The following C8orf34 variants were observed in gnomAD, a reference collection of about 807,000 sequenced individuals.
C8orf34 encodes the protein uncharacterized protein C8orf34.
A neutral mutation model predicts 68.3 loss-of-function variants in C8orf34; 65 were observed. The ratio of observed to expected loss-of-function variants is 0.95; its 90% CI spans 0.78 to 1.17. C8orf34 has a LOEUF of 1.17. C8orf34 is among the 50% of genes most tolerant of loss of function. C8orf34 has a pLI of 0.00. For synonymous variants in C8orf34, 244 were observed against 241.2 expected (o/e 1.01, Z -0.11); for missense variants, 664 against 655.4 (o/e 1.01, Z -0.14).
intron 9 of C8orf34, among the ~76,000 whole-genome samples, chr8:68,715,431 A>G (rs930859765): frequency 1.3e-4 from 20 of 152,268 alleles, no homozygotes; most frequent in African/African-American, 4.8e-4. Context: ...AGCAAGAAAA[A>G]AACTAACAAT....
chr8:68,473,436 G>A (rs909914680), intron 4 of C8orf34, among the ~76,000 whole-genome samples: 7 of 152,012 alleles, frequency 4.6e-5, no homozygotes, highest in African/African-American at 1.4e-4. Flanking sequence ...GCTCCCTACC[G>A]CACACGTGGT....
intron 7 of C8orf34, among the ~76,000 whole-genome samples, chr8:68,551,309 G>A (rs1257857377): frequency 6.6e-6 from 1 of 151,482 alleles, no homozygotes; most frequent in Non-Finnish European, 1.5e-5. Context: ...AGCTATCAAA[G>A]GTATTCTTCA....
At chr8:68,434,262 A>G (rs1037713641) in intron 1 of C8orf34, among the ~76,000 whole-genome samples, 7 of 152,122 alleles carry the variant, frequency 4.6e-5, no homozygotes, top group African/African-American at 1.4e-4. Context: ...CCCGCATAGC[A>G]TACATTAGGT....
At chr8:68,817,126 TG>T (rs1158567336) in intron 13 of C8orf34, among the ~76,000 whole-genome samples, 3 of 152,158 alleles carry the variant, frequency 2.0e-5, no homozygotes, top group Non-Finnish European at 4.4e-5. Flanking sequence ...TTATCATGGG[TG>T]ATACAGCACC....
chr8:68,504,996 G>T (rs1161562152), intron 5 of C8orf34, among the ~76,000 whole-genome samples: 1 of 152,020 alleles, frequency 6.6e-6, no homozygotes, highest in Non-Finnish European at 1.5e-5. Context: ...TGTATTTTTA[G>T]TAGAGACGGG....
intron 8 of C8orf34, among the ~76,000 whole-genome samples, chr8:68,706,612 T>A (rs1379681556): frequency 2.0e-5 from 3 of 152,236 alleles, no homozygotes; most frequent in African/African-American, 4.8e-5. Flanking sequence ...TACAGATATC[T>A]GCCATGAAAC....
intron 10 of C8orf34, among the ~76,000 whole-genome samples, chr8:68,728,598 A>G (rs888045699): frequency 6.6e-6 from 1 of 152,224 alleles, no homozygotes; most frequent in Non-Finnish European, 1.5e-5. Flanking sequence ...GGCAGTGGCA[A>G]GAGAAAATAA....
chr8:68,511,727 A>C (rs1224845890), intron 5 of C8orf34, among the ~76,000 whole-genome samples: 1 of 152,238 alleles, frequency 6.6e-6, no homozygotes, highest in African/African-American at 2.4e-5. Flanking sequence ...AGTTAAGAAT[A>C]CTCATGGATA....
chr8:68,713,337 A>G (rs1324928030), intron 9 of C8orf34, among the ~76,000 whole-genome samples: 1 of 149,974 alleles, frequency 6.7e-6, no homozygotes, highest in African/African-American at 2.5e-5. Context: ...GGAGAACTAA[A>G]ACAAACTGAA....
Position 68,818,272 on chromosome 8 carries a change from T to C in C8orf34, c.*26T>C, listed in dbSNP as rs751145067. On this transcript the variant is annotated 3_prime_UTR_variant, in exon 14 of 14. Transcript: ENST00000518698. ...AACAGAGAGAAGAAGTTGCAAGTGGTCCTTAAAGAAATGCAGTTATTCAAA... is the reference window on the plus strand; with the variant it reads ...AACAGAGAGAAGAAGTTGCAAGTGGCCCTTAAAGAAATGCAGTTATTCAAA... 3 of 1,610,940 alleles carry C rather than the reference T, an allele frequency of 1.9e-6. No individual in the cohort carries two copies. Among genetic ancestry groups the C allele is most frequent in the East Asian group, 4.5e-5 (2 of 44,782 alleles).
intron 7 of C8orf34, among the ~76,000 whole-genome samples, chr8:68,575,837 T>A (rs186250732): frequency 1.3e-4 from 20 of 152,130 alleles, no homozygotes; most frequent in Non-Finnish European, 1.3e-4. Context: ...TGGCTCCTAG[T>A]GACAAAGTAA....
At chr8:68,728,551 C>G (rs897960354) in intron 10 of C8orf34, among the ~76,000 whole-genome samples, 3 of 152,242 alleles carry the variant, frequency 2.0e-5, no homozygotes, top group Non-Finnish European at 4.4e-5. Context: ...AGGCTGGGAA[C>G]AGAATGATAG....
At chr8:68,401,933 G>C (rs778536315) in intron 1 of C8orf34, among the ~76,000 whole-genome samples, 3 of 151,876 alleles carry the variant, frequency 2.0e-5, no homozygotes, top group Non-Finnish European at 2.9e-5. Context: ...ATCATAGAAT[G>C]AGTTAGAGAG....
chr8:68,597,494 C>T (rs531525383), intron 7 of C8orf34, among the ~76,000 whole-genome samples: 1 of 152,020 alleles, frequency 6.6e-6, no homozygotes, highest in South Asian at 2.1e-4. Context: ...ATCTATTTTT[C>T]TAAAAACAAA....
At chr8:68,743,906 T>C (rs997002135) in intron 10 of C8orf34, among the ~76,000 whole-genome samples, 1 of 152,190 alleles carries the variant, frequency 6.6e-6, no homozygotes, top group Non-Finnish European at 1.5e-5. Flanking sequence ...CCTGCCTGCC[T>C]CTGTAGGCTC....
chr8:68,545,659 A>T (rs1815851062), intron 7 of C8orf34, among the ~76,000 whole-genome samples: 1 of 152,160 alleles, frequency 6.6e-6, no homozygotes. Flanking sequence ...AATGATGGCA[A>T]AATAAAGATA....
chr8:68,739,317 A>T (rs1008294980), intron 10 of C8orf34, among the ~76,000 whole-genome samples: 6 of 152,130 alleles, frequency 3.9e-5, no homozygotes, highest in Admixed American at 6.6e-5. Context: ...CATATCTGAC[A>T]AACCCACAGC....
chr8:68,524,077 G>T (rs1814873586), intron 6 of C8orf34, among the ~76,000 whole-genome samples: 1 of 152,110 alleles, frequency 6.6e-6, no homozygotes, highest in Non-Finnish European at 1.5e-5. Flanking sequence ...TTTATTTCTT[G>T]CAGCCTTTCC....
chr8:68,383,433 C>G (rs956840552), intron 1 of C8orf34, among the ~76,000 whole-genome samples: 1 of 152,102 alleles, frequency 6.6e-6, no homozygotes. Flanking sequence ...GACAATTTCC[C>G]CATCATGAAA....
Sources: gnomAD v4.1 joint callset for allele counts (sites outside exome capture counted in the v4.1 genomes callset) on GRCh38, gnomAD v4.1.1 for gene constraint, MANE v1.5 for transcripts, NCBI Gene and HGNC (gene_info 2026-07-23, HGNC 2026-07-21) for gene names.